LUZP2: variants seen among roughly 807,000 people sequenced by gnomAD.
The protein encoded by LUZP2 is leucine zipper protein 2.
LUZP2 carries 52 observed loss-of-function variants against 51.6 expected under a neutral mutation model. That is an observed-to-expected ratio of 1.01 (90% CI 0.81 to 1.27). The LOEUF (loss-of-function observed/expected upper bound fraction) is 1.27, where lower values mean the gene tolerates loss of function less well. Among genes scored for constraint, LUZP2 ranks in the 50% most tolerant of loss-of-function variants. The pLI, the probability that LUZP2 is intolerant of heterozygous loss-of-function variation, is 0.00. For missense variants in LUZP2, 436 were observed against 395.4 expected (o/e 1.10, Z -0.87); for synonymous variants, 154 against 137.3 (o/e 1.12, Z -0.85).
At chr11:24,716,510 A>G (rs1375579782) in intron 1 of LUZP2, among the ~76,000 whole-genome samples, 2 of 152,196 alleles carry the variant, frequency 1.3e-5, no homozygotes, top group Admixed American at 6.5e-5. Context: ...GAAGGGTTCC[A>G]AGAATGAGGA....
At chr11:24,565,994 T>TA (rs2133784351) in intron 1 of LUZP2, among the ~76,000 whole-genome samples, 1 of 152,070 alleles carries the variant, frequency 6.6e-6, no homozygotes, top group East Asian at 1.9e-4. Context: ...TCCATAAATA[T>TA]AATACAAAAT....
At chr11:25,008,495 C>T (rs1034523787) in intron 9 of LUZP2, among the ~76,000 whole-genome samples, 1 of 152,158 alleles carries the variant, frequency 6.6e-6, no homozygotes, top group African/African-American at 2.4e-5. Context: ...GAATAAGGGC[C>T]TATCACGGCT....
At chr11:24,500,104 C>T (rs1472516516) in intron 1 of LUZP2, among the ~76,000 whole-genome samples, 2 of 152,056 alleles carry the variant, frequency 1.3e-5, no homozygotes. Flanking sequence ...CACAAAATCC[C>T]ATAATTTAAT....
rs1491119402 is a variant in LUZP2, at chr11:24,602,280, A to ATGTATATATATG, written c.62+104975_62+104976insTGTATATATATG. On this transcript the variant is annotated intron_variant, in intron 1 of 11. Transcript: ENST00000336930. ...CAAACATATATGTACATACATATAT[A>ATGTATATATATG]CACACATATATATGTACATACATAT... Among the ~76,000 whole-genome samples the ATGTATATATATG allele has an allele frequency of 2.1e-3, 177 of 83,566 alleles. 1 individual carries two copies. Among genetic ancestry groups the ATGTATATATATG allele is most frequent in the Middle Eastern group, 6.3e-3 (1 of 160 alleles). The allele number at this position is 83,566 out of a possible 152,430, so 54.8% of individuals were successfully genotyped here.
At chr11:24,539,790 T>G (rs931814204) in intron 1 of LUZP2, among the ~76,000 whole-genome samples, 10 of 152,188 alleles carry the variant, frequency 6.6e-5, no homozygotes, top group Non-Finnish European at 1.5e-4. Flanking sequence ...ACCAGCTAAA[T>G]GCCTAAACAT....
intron 7 of LUZP2, among the ~76,000 whole-genome samples, chr11:24,961,341 G>A (rs1253589436): frequency 2.0e-5 from 3 of 152,186 alleles, no homozygotes; most frequent in African/African-American, 4.8e-5. Flanking sequence ...AATGTTGACA[G>A]TGGGGTGTTA....
intron 5 of LUZP2, among the ~76,000 whole-genome samples, chr11:24,796,781 T>C (rs188034720): frequency 6.6e-6 from 1 of 152,072 alleles, no homozygotes; most frequent in African/African-American, 2.4e-5. Flanking sequence ...CTACACAAGT[T>C]TTTTTTGGTT....
At chr11:24,543,591 C>T (rs12292598) in intron 1 of LUZP2, among the ~76,000 whole-genome samples, 63,290 of 151,768 alleles carry the variant, frequency 0.42, 14,206 homozygotes, top group East Asian at 0.58. Context: ...GAGGCCAAGG[C>T]GGGCAGATCA....
intron 1 of LUZP2, among the ~76,000 whole-genome samples, chr11:24,631,036 T>C (rs753247142): frequency 4.6e-5 from 7 of 152,064 alleles, no homozygotes; most frequent in Admixed American, 6.6e-5. Flanking sequence ...TTTTTGTACA[T>C]CGATTTTATG....
At chr11:24,990,076 C>A (rs1856295466) in intron 9 of LUZP2, among the ~76,000 whole-genome samples, 1 of 151,998 alleles carries the variant, frequency 6.6e-6, no homozygotes, top group Non-Finnish European at 1.5e-5. Flanking sequence ...TCTATGCCCC[C>A]TTTCTTACAA....
At chr11:24,935,285 A>G (rs143655638) in intron 7 of LUZP2, among the ~76,000 whole-genome samples, 33 of 152,312 alleles carry the variant, frequency 2.2e-4, no homozygotes, top group Admixed American at 3.9e-4. Flanking sequence ...CTTAAAGTAA[A>G]TATTGAACAG....
At chr11:24,782,516 GA>G (rs947314917) in intron 5 of LUZP2, among the ~76,000 whole-genome samples, 1 of 151,242 alleles carries the variant, frequency 6.6e-6, no homozygotes, top group African/African-American at 2.4e-5. Context: ...TAGAGCATCT[GA>G]AAAAAAAATT....
At chr11:25,066,209 C>A (rs1310093693) in intron 10 of LUZP2, among the ~76,000 whole-genome samples, 1 of 151,660 alleles carries the variant, frequency 6.6e-6, no homozygotes, top group Non-Finnish European at 1.5e-5. Flanking sequence ...ATTAGTTATG[C>A]ATTACCAAAA....
chr11:24,912,994 G>A (rs1164484345), intron 6 of LUZP2, among the ~76,000 whole-genome samples: 1 of 152,024 alleles, frequency 6.6e-6, no homozygotes, highest in Non-Finnish European at 1.5e-5. Context: ...AGTGACATAA[G>A]GATCATGGGT....
At chr11:24,625,425 G>T (rs1428999431) in intron 1 of LUZP2, among the ~76,000 whole-genome samples, 3 of 151,660 alleles carry the variant, frequency 2.0e-5, no homozygotes, top group Non-Finnish European at 4.4e-5. Flanking sequence ...TAAAGAAAAT[G>T]CTAACTATAT....
intron 7 of LUZP2, among the ~76,000 whole-genome samples, chr11:24,945,109 C>T (rs181835650): frequency 2.9e-4 from 44 of 152,280 alleles, no homozygotes; most frequent in African/African-American, 1.1e-3. Context: ...GCAAGAAGCA[C>T]ATTTCCCTGA....
intron 9 of LUZP2, among the ~76,000 whole-genome samples, chr11:25,007,636 A>T (rs906256778): frequency 1.3e-4 from 19 of 147,656 alleles, no homozygotes; most frequent in Non-Finnish European, 1.1e-4. Flanking sequence ...AAAACAAAAC[A>T]ACACTATTAA....
chr11:24,542,806 G>A (rs544886587), intron 1 of LUZP2, among the ~76,000 whole-genome samples: 1 of 151,832 alleles, frequency 6.6e-6, no homozygotes, highest in Non-Finnish European at 1.5e-5. Context: ...CAATGCAAAA[G>A]ACTACATTTA....
intron 1 of LUZP2, among the ~76,000 whole-genome samples, chr11:24,619,679 G>C (rs1262857297): frequency 6.6e-6 from 1 of 152,038 alleles, no homozygotes; most frequent in Non-Finnish European, 1.5e-5. Context: ...TCAAATCCCT[G>C]ATATAAAATC....
Sources: gnomAD v4.1 joint callset for allele counts (sites outside exome capture counted in the v4.1 genomes callset) on GRCh38, gnomAD v4.1.1 for gene constraint, MANE v1.5 for transcripts, NCBI Gene and HGNC (gene_info 2026-07-23, HGNC 2026-07-21) for gene names.